The following ZMAT4 variants were observed in gnomAD, a reference collection of about 807,000 sequenced individuals.
ZMAT4 encodes zinc finger matrin-type 4.
Under a neutral mutation model 28.7 loss-of-function variants are expected in ZMAT4, and 17 were observed. The ratio of observed to expected loss-of-function variants is 0.59; its 90% confidence interval spans 0.41 to 0.89. The LOEUF is 0.89. ZMAT4 is among the 40% of genes least tolerant of loss of function. The pLI, the probability that ZMAT4 is intolerant of heterozygous loss-of-function variation, is 0.00. For missense variants in ZMAT4, 240 were observed against 283.8 expected (o/e 0.85, Z 1.11); for synonymous variants, 117 against 109.2 (o/e 1.07, Z -0.44).
intron 2 of ZMAT4, among the ~76,000 whole-genome samples, chr8:40,802,352 T>TA (rs750144842): frequency 1.3e-5 from 2 of 152,186 alleles, no homozygotes; most frequent in South Asian, 2.1e-4. Context: ...AAATGGCCCC[T>TA]AGAATTCATA....
At position 40,772,824 on chromosome 8, in the gene ZMAT4, T is replaced by C. The variant is rs558523686; in HGVS notation, c.103-5094A>G. Among the ~76,000 whole-genome samples the C allele has an allele frequency of 7.2e-5, 11 of 152,230 alleles. 1 individual carries two copies. Among genetic ancestry groups the C allele is most frequent in the Non-Finnish European group, 1.5e-4 (10 of 68,048 alleles). On this transcript the variant is annotated intron_variant, in intron 2 of 6. Transcript: ENST00000297737. ...CCTGGAACAAAGAGTGATTCTCACA[T>C]GCCACCACATTTGAGGTCATTCCGG...
chr8:40,753,639 C>T (rs113884700), intron 3 of ZMAT4, among the ~76,000 whole-genome samples: 2 of 152,120 alleles, frequency 1.3e-5, no homozygotes, highest in Non-Finnish European at 2.9e-5. Flanking sequence ...TCTTGGTAGG[C>T]AAGCAATTAA....
intron 1 of ZMAT4, among the ~76,000 whole-genome samples, chr8:40,896,578 T>C (rs1271193483): frequency 6.6e-6 from 1 of 152,190 alleles, no homozygotes; most frequent in Non-Finnish European, 1.5e-5. Context: ...GTGACTCACC[T>C]ACCTAATATC....
At chr8:40,714,781 T>C (rs1317209274) in intron 3 of ZMAT4, among the ~76,000 whole-genome samples, 1 of 152,176 alleles carries the variant, frequency 6.6e-6, no homozygotes, top group Non-Finnish European at 1.5e-5. Flanking sequence ...CCGGGGGCAG[T>C]GGCTCACGCC....
chr8:40,697,289 C>T lies in ZMAT4; in HGVS notation c.305G>A (p.Arg102Lys), dbSNP rs1809931956. 3.7e-6 allele frequency: 6 copies of T among 1,613,578 alleles called. No individual in the cohort carries two copies. Among genetic ancestry groups the T allele is most frequent in the South Asian group, 1.1e-5 (1 of 91,046 alleles). ...CTTCTCTCCTAGCAAGAGTTTTAAC[C>T]TCTTGGCGTGGATTTTGCCTTGATA... ...SHYQGKIHAK[R>K]LKLLLGEKTP... Residue 102 changes from arginine to lysine, a missense_variant, in exon 4 of 7, where the codon AGG (arginine) becomes AAG (lysine). Physicochemically the swap from Arg to Lys is conservative, Grantham distance 26. Coordinates refer to ENST00000297737, the MANE Select transcript of ZMAT4 (RefSeq NM_024645.3).
At chr8:40,791,638 T>C (rs1425269495) in intron 2 of ZMAT4, among the ~76,000 whole-genome samples, 1 of 152,208 alleles carries the variant, frequency 6.6e-6, no homozygotes, top group African/African-American at 2.4e-5. Flanking sequence ...GGGCAGGGAA[T>C]AGTCCGAATT....
At chr8:40,643,957 C>T (rs1182004360) in intron 5 of ZMAT4, among the ~76,000 whole-genome samples, 1 of 152,096 alleles carries the variant, frequency 6.6e-6, no homozygotes, top group Non-Finnish European at 1.5e-5. Context: ...ATCCCAAAAA[C>T]ATTTCCAGCA....
intron 5 of ZMAT4, among the ~76,000 whole-genome samples, chr8:40,617,188 A>G (rs554058244): frequency 7.2e-5 from 11 of 152,330 alleles, no homozygotes; most frequent in African/African-American, 2.6e-4. Context: ...CAAAAAGTGT[A>G]AAAATACAGA....
chr8:40,683,222 C>A (rs1809252892), intron 4 of ZMAT4, among the ~76,000 whole-genome samples: 1 of 152,276 alleles, frequency 6.6e-6, no homozygotes, highest in Middle Eastern at 3.4e-3. Context: ...GGACATCCTG[C>A]AGGTATAACG....
At chr8:40,886,436 C>T (rs1158834364) in intron 1 of ZMAT4, among the ~76,000 whole-genome samples, 3 of 152,192 alleles carry the variant, frequency 2.0e-5, no homozygotes, top group Non-Finnish European at 2.9e-5. Flanking sequence ...GGTGAGTGGA[C>T]GGTGCAGCAC....
chr8:40,625,282 T>A (rs371812910), intron 5 of ZMAT4, among the ~76,000 whole-genome samples: 8 of 88,902 alleles, frequency 9.0e-5, no homozygotes, highest in African/African-American at 2.3e-4. Context: ...ATAGTGTGAG[T>A]CTTACACACC....
At chr8:40,755,636 A>G (rs1812647513) in intron 3 of ZMAT4, among the ~76,000 whole-genome samples, 1 of 152,016 alleles carries the variant, frequency 6.6e-6, no homozygotes, top group Admixed American at 6.6e-5. Context: ...TATTTTTTGT[A>G]GAGACAGGGT....
At chr8:40,704,783 G>C (rs1327962954) in intron 3 of ZMAT4, among the ~76,000 whole-genome samples, 2 of 152,196 alleles carry the variant, frequency 1.3e-5, no homozygotes, top group South Asian at 4.2e-4. Flanking sequence ...TATCTCCCTC[G>C]TTTTCTTACC....
intron 6 of ZMAT4, among the ~76,000 whole-genome samples, chr8:40,554,344 A>G (rs969928855): frequency 2.0e-5 from 3 of 152,154 alleles, no homozygotes; most frequent in Non-Finnish European, 2.9e-5. Flanking sequence ...AAAATTAACT[A>G]AAGAGTTAAT....
intron 3 of ZMAT4, among the ~76,000 whole-genome samples, chr8:40,697,615 T>C (rs1454693865): frequency 1.3e-5 from 2 of 152,082 alleles, no homozygotes; most frequent in Admixed American, 6.6e-5. Flanking sequence ...AAAGTGCAGG[T>C]TTGTTACATA....
At position 40,536,405 on chromosome 8, in the gene ZMAT4, A is replaced by G. The variant is rs145872645; in HGVS notation, c.675-4167T>C. 8.2e-4 allele frequency among the ~76,000 whole-genome samples: 125 copies of G among 152,290 alleles called. 1 individual carries two copies. The highest frequency in any genetic ancestry group is 5.9e-4 in the Non-Finnish European group (40 of 68,028). ...GCAGTCAGCTCTGCAGCCTCATCAC[A>G]CTGGTGTTGCAATGCCTCACTGGGT... On this transcript the variant is annotated intron_variant, in intron 6 of 6. Transcript: ENST00000297737.
At chr8:40,825,782 A>G in intron 1 of ZMAT4, 102 bp from the exon 2 acceptor site, 1 of 868,204 alleles carries the variant, frequency 1.2e-6, no homozygotes, top group Non-Finnish European at 1.8e-6. Flanking sequence ...CAGGTCTGAC[A>G]ATGGTGACAG....
chr8:40,651,449 C>T (rs1807645455), intron 5 of ZMAT4, among the ~76,000 whole-genome samples: 1 of 151,462 alleles, frequency 6.6e-6, no homozygotes. Flanking sequence ...AATGGAAGAA[C>T]ATTCCATGCT....
intron 3 of ZMAT4, among the ~76,000 whole-genome samples, chr8:40,703,995 G>C (rs1322720102): frequency 1.3e-5 from 2 of 152,152 alleles, no homozygotes; most frequent in African/African-American, 4.8e-5. Flanking sequence ...CCTGATCACT[G>C]GTGTTGATTT....
Sources: allele counts gnomAD v4.1 joint callset (sites outside exome capture counted in the v4.1 genomes callset), GRCh38; gene constraint gnomAD v4.1.1; transcripts MANE v1.5; gene names NCBI Gene and HGNC (gene_info 2026-07-23, HGNC 2026-07-21).